NAALADL2: variants seen among roughly 807,000 people sequenced by gnomAD.
NAALADL2 encodes the protein inactive N-acetylated-alpha-linked acidic dipeptidase-like protein 2.
Under a neutral mutation model 87.2 loss-of-function variants are expected in NAALADL2, and 76 were observed. The observed-to-expected ratio is 0.87, with a 90% confidence interval of 0.72 to 1.05. NAALADL2 has a LOEUF of 1.05. Ranked by LOEUF, NAALADL2 falls within the 50% of genes least tolerant of loss-of-function variation. NAALADL2 has a pLI of 0.00. For missense variants in NAALADL2, 1,089 were observed against 945.8 expected (o/e 1.15, Z -1.99); for synonymous variants, 354 against 331.0 (o/e 1.07, Z -0.75).
chr3:174,752,840 T>C (rs1401437599), intron 3 of NAALADL2, among the ~76,000 whole-genome samples: 1 of 152,194 alleles, frequency 6.6e-6, no homozygotes, highest in African/African-American at 2.4e-5. Context: ...AATTTAGTTA[T>C]GTGTAAAGAT....
chr3:175,558,194 CAAAAAAAAAAAAAA>C (rs71164638), intron 9 of NAALADL2, among the ~76,000 whole-genome samples: 3 of 82,436 alleles, frequency 3.6e-5, no homozygotes, highest in African/African-American at 4.6e-5. Context: ...GACCCCGTCT[CAAAAAAAAAAAAAA>C]AAAAAAAAAG....
Position 175,273,913 on chromosome 3 carries a change from G to A in NAALADL2, c.939+17383G>A, listed in dbSNP as rs149165687. On this transcript the variant is annotated intron_variant, in intron 4 of 13. Transcript: ENST00000454872. ...TTAAATTTTTTAACAAATTAAAATC[G>A]TTAAGTTTCTTAAATAAGAGACATT... is the stretch of plus-strand genomic sequence containing the variant. 9.3e-4 allele frequency among the ~76,000 whole-genome samples: 141 copies of A among 151,656 alleles called. 2 individuals are homozygous for A. The East Asian group carries it at 0.025, about 27-fold the overall frequency.
intron 2 of NAALADL2, among the ~76,000 whole-genome samples, chr3:174,664,700 C>T (rs1298813083): frequency 6.6e-6 from 1 of 152,130 alleles, no homozygotes; most frequent in Non-Finnish European, 1.5e-5. Flanking sequence ...GTATTTTGTG[C>T]AAATGATAAT....
At chr3:174,695,394 C>T (rs749747091) in intron 2 of NAALADL2, among the ~76,000 whole-genome samples, 1 of 151,968 alleles carries the variant, frequency 6.6e-6, no homozygotes, top group Non-Finnish European at 1.5e-5. Flanking sequence ...TCTCATCTTT[C>T]TCCTGAACCA....
intron 2 of NAALADL2, among the ~76,000 whole-genome samples, chr3:175,194,812 T>C (rs1017312952): frequency 6.6e-5 from 10 of 151,800 alleles, no homozygotes; most frequent in African/African-American, 2.2e-4. Flanking sequence ...ACCACATCCT[T>C]GTAATTCTGA....
At chr3:175,797,909 T>C (rs542956088) in intron 13 of NAALADL2, among the ~76,000 whole-genome samples, 10 of 152,198 alleles carry the variant, frequency 6.6e-5, no homozygotes, top group Non-Finnish European at 1.0e-4. Flanking sequence ...GGATTAATGA[T>C]TGAATATGTA....
intron 1 of NAALADL2, among the ~76,000 whole-genome samples, chr3:175,009,143 A>C (rs1749448707): frequency 6.6e-6 from 1 of 152,142 alleles, no homozygotes; most frequent in African/African-American, 2.4e-5. Flanking sequence ...TCACTCCCAA[A>C]TCTCTGATTC....
chr3:175,237,164 A>G (rs1746048493), intron 3 of NAALADL2, among the ~76,000 whole-genome samples: 1 of 152,142 alleles, frequency 6.6e-6, no homozygotes, highest in African/African-American at 2.4e-5. Flanking sequence ...GCAAAATTCT[A>G]TAGCTTCAAC....
chr3:174,471,748 T>C (rs1029269291), intron 1 of NAALADL2, among the ~76,000 whole-genome samples: 2 of 152,124 alleles, frequency 1.3e-5, no homozygotes, highest in African/African-American at 4.8e-5. Flanking sequence ...ATTCCAATAA[T>C]ATTTTTTCTC....
At chr3:175,200,840 C>T (rs1004412270) in intron 2 of NAALADL2, among the ~76,000 whole-genome samples, 5 of 152,156 alleles carry the variant, frequency 3.3e-5, no homozygotes, top group African/African-American at 7.2e-5. Flanking sequence ...CTCCCATGGC[C>T]TATAAACGGC....
intron 2 of NAALADL2, among the ~76,000 whole-genome samples, chr3:174,628,474 CAAAAAAAAAAAA>C (rs5854584): frequency 2.3e-5 from 2 of 86,600 alleles, no homozygotes; most frequent in South Asian, 4.3e-4. Flanking sequence ...GAGACTGTCT[CAAAAAAAAAAAA>C]AAAAAAAAAA....
At chr3:174,718,984 G>T (rs1731458564) in intron 2 of NAALADL2, among the ~76,000 whole-genome samples, 1 of 152,076 alleles carries the variant, frequency 6.6e-6, no homozygotes, top group Admixed American at 6.6e-5. Flanking sequence ...TGTTCTTGAA[G>T]CCATTCTGTA....
intron 5 of NAALADL2, among the ~76,000 whole-genome samples, chr3:175,398,245 A>G (rs1264788327): frequency 6.6e-6 from 1 of 152,002 alleles, no homozygotes; most frequent in Non-Finnish European, 1.5e-5. Flanking sequence ...AATTAGAGAC[A>G]CAGAAGGAAG....
rs1348592119 is a variant in NAALADL2 at position 175,807,285 on chromosome 3, C to T, written c.*4082C>T. The T allele has an allele frequency of 6.6e-6, 1 of 151,804 alleles. No homozygotes were observed. The highest frequency in any genetic ancestry group is 1.5e-5 in the Non-Finnish European group (1 of 67,884). The allele number at this position is 151,804 out of a possible 1,614,324, so 9.4% of individuals were successfully genotyped here. On this transcript the variant is annotated 3_prime_UTR_variant, in exon 14 of 14. Coordinates refer to ENST00000454872, the MANE Select transcript of NAALADL2 (RefSeq NM_207015.3). ...CTTTTTAAATTAAATAAACGTAGAGCATATAGTAAGTTTCCCCACAGGAAA... is the reference window on the plus strand; with the variant it reads ...CTTTTTAAATTAAATAAACGTAGAGTATATAGTAAGTTTCCCCACAGGAAA...
intron 1 of NAALADL2, among the ~76,000 whole-genome samples, chr3:175,004,184 G>A (rs540165055): frequency 6.6e-6 from 1 of 151,930 alleles, no homozygotes; most frequent in Non-Finnish European, 1.5e-5. Context: ...GAACATCCTG[G>A]GAAACAAAGT....
At chr3:175,493,077 ATATG>A (rs1297509274) in intron 9 of NAALADL2, among the ~76,000 whole-genome samples, 3 of 152,104 alleles carry the variant, frequency 2.0e-5, no homozygotes, top group Admixed American at 6.6e-5. Flanking sequence ...ATTCATATAA[ATATG>A]TATGTATTTA....
intron 5 of NAALADL2, among the ~76,000 whole-genome samples, chr3:175,441,305 A>G (rs1390085153): frequency 6.6e-6 from 1 of 152,194 alleles, no homozygotes; most frequent in African/African-American, 2.4e-5. Flanking sequence ...AGGTATTATA[A>G]GTAATTTAGA....
chr3:175,642,524 A>G (rs1729435135), intron 11 of NAALADL2, among the ~76,000 whole-genome samples: 1 of 146,456 alleles, frequency 6.8e-6, no homozygotes, highest in African/African-American at 2.6e-5. Flanking sequence ...TTCTTGAGAC[A>G]GCGTCTCGCT....
chr3:175,068,276 A>G (rs533170122), intron 1 of NAALADL2, among the ~76,000 whole-genome samples: 8 of 152,110 alleles, frequency 5.3e-5, no homozygotes, highest in Non-Finnish European at 1.0e-4. Context: ...AGAATAAAAA[A>G]TTAGTTTTTA....
Sources: allele counts gnomAD v4.1 joint callset (sites outside exome capture counted in the v4.1 genomes callset), GRCh38; gene constraint gnomAD v4.1.1; transcripts MANE v1.5; gene names NCBI Gene and HGNC (gene_info 2026-07-23, HGNC 2026-07-21).